Variants in ANO9 observed in about 807,000 individuals in gnomAD.
The protein encoded by ANO9 is anoctamin 9.
ANO9 carries 80 observed loss-of-function variants against 100.5 expected under a neutral mutation model. That is an observed-to-expected ratio of 0.80 (90% CI 0.66 to 0.96). The LOEUF is 0.96. ANO9 is among the 40% of genes least tolerant of loss of function. The pLI is 0.00. For synonymous variants in ANO9, 473 were observed against 435.6 expected, an observed-to-expected ratio of 1.09 and a Z score of -1.07; for missense variants, 1,064 against 1,072.7, an observed-to-expected ratio of 0.99 and a Z score of 0.11.
At chr11:423,745 G>T (rs1156580618) in intron 15 of ANO9, among the ~76,000 whole-genome samples, 8 of 151,962 alleles carry the variant, frequency 5.3e-5, no homozygotes, top group Non-Finnish European at 1.2e-4. Context: ...TGCCCAGGCT[G>T]GTCTTGAACT....
intron 1 of ANO9, 49 bp downstream of exon 1, chr11:441,872 C>T: frequency 2.5e-6 from 4 of 1,593,850 alleles, no homozygotes; most frequent in African/African-American, 1.3e-5. Flanking sequence ...CAGGTGTGGG[C>T]GTGGCTGGGG....
Position 422,987 on chromosome 11 carries a change from G to T in ANO9, c.1335-1789C>A, listed in dbSNP as rs7944205. Among the ~76,000 whole-genome samples the T allele has an allele frequency of 6.6e-6, 1 of 151,738 alleles. No individual in the cohort carries two copies. The highest frequency in any genetic ancestry group is 1.5e-5 in the Non-Finnish European group (1 of 67,946). On this transcript the variant is annotated intron_variant, in intron 15 of 22. Transcript: ENST00000332826. The surrounding 1 kb of genome is among the most constrained non-coding windows in gnomAD (Gnocchi z 4.3). ...TGGGATTACAGGTGCGCGCCACCAC[G>T]CCTGGCTAATTTTTGTATATTTAGT...
chr11:419,691 C>G lies in ANO9; in HGVS notation c.1825G>C (p.Ala609Pro), dbSNP rs1848057325. 6.2e-7 allele frequency: 1 copy of G among 1,613,430 alleles called. No individual in the cohort carries two copies. Among genetic ancestry groups the G allele is most frequent in the African/African-American group, 1.3e-5 (1 of 75,014 alleles). The part of the protein sequence containing the change: ...LQVLETIGVL[A>P]VIANGMVIAF... ...ATGACCATCCCATTGGCAATGACCGCCAGCACACCGATGGTCTCCAGCACC... is the reference window on the plus strand; with the variant it reads ...ATGACCATCCCATTGGCAATGACCGGCAGCACACCGATGGTCTCCAGCACC... The change falls in exon 20 of 23, where the codon GCG becomes CCG. Residue 609 changes from alanine (A) to proline (P), a missense_variant. Transcript: ENST00000332826.
chr11:420,525 A>C lies in ANO9; in HGVS notation c.1724T>G (p.Leu575Arg), dbSNP rs566257561. Reference protein sequence around the residue: ...ALFSNLVEIRLDAIKMVWLQR... With the variant: ...ALFSNLVEIRRDAIKMVWLQR... The stretch of plus-strand genomic sequence containing the variant: ...CAACCAGACCATCTTGATGGCGTCC[A>C]GGCGGATCTCCACGAGGTTGCTGAA... The change falls in exon 19 of 23, where the codon CTG (leucine) becomes CGG (arginine). Residue 575 changes from leucine (L) to arginine (R), a missense_variant. Leu to Arg is a moderately radical substitution (Grantham distance 102, BLOSUM62 -2). Coordinates refer to ENST00000332826, the MANE Select transcript of ANO9 (RefSeq NM_001012302.3). 1 of 1,606,090 alleles carries C rather than the reference A, an allele frequency of 6.2e-7. No homozygotes were observed. Among genetic ancestry groups the C allele is most frequent in the African/African-American group, 1.3e-5 (1 of 75,042 alleles).
rs999284254 is a variant in ANO9 at position 432,320 on chromosome 11, C to T, written c.351-266G>A. ...CTCCTTCTCCTCCCAGCCCGTCCCT[C>T]CCAGAAGCCCAGACCACAGCCCGCA... is the stretch of plus-strand genomic sequence containing the variant. On this transcript the variant is annotated intron_variant, in intron 4 of 22. Coordinates refer to ENST00000332826, the MANE Select transcript of ANO9 (RefSeq NM_001012302.3). This position sits in a 1 kb window ranked among gnomAD's most constrained non-coding sequence, Gnocchi z 4.8. The T allele has an allele frequency of 2.3e-5, 12 of 528,974 alleles. No homozygotes were observed. In the African/African-American group the frequency reaches 2.3e-4, roughly 10 times the overall value. The allele number at this position is 528,974 out of a possible 1,614,324, so 32.8% of individuals were successfully genotyped here.
rs1286350403 is a variant in ANO9, at chr11:419,700, C to T, written c.1816G>A (p.Gly606Ser). 5.0e-6 allele frequency: 8 copies of T among 1,605,660 alleles called. No individual in the cohort carries two copies. Among genetic ancestry groups the T allele is most frequent in the South Asian group, 3.3e-5 (3 of 91,062 alleles). The change falls in exon 20 of 23, where the codon GGT becomes AGT. Residue 606 changes from glycine to serine, a missense_variant. By Grantham distance (56) the Gly-to-Ser change is moderately conservative (BLOSUM62 0). Coordinates refer to ENST00000332826, the MANE Select transcript of ANO9 (RefSeq NM_001012302.3). ...GTWLQVLETI[G>S]VLAVIANGMV... ...CCATTGGCAATGACCGCCAGCACAC[C>T]GATGGTCTCCAGCACCTGCAGCCAG...
In ANO9 at chr11:418,414, G is replaced by A. The variant is rs367848202; in HGVS notation, c.2306C>T (p.Pro769Leu). The part of the protein sequence containing the change: ...AGSRPPMPAH[P>L]TPASIFSARS... ...GGCACTGAAGATGGATGCTGGGGTG[G>A]GATGGGCAGGCATTGGGGGCCGAGA... Residue 769 changes from proline to leucine, a missense_variant, in exon 23 of 23, where the codon CCC becomes CTC. Pro to Leu is a moderately conservative substitution (Grantham distance 98). Transcript: ENST00000332826. The A allele has an allele frequency of 6.2e-7, 1 of 1,612,306 alleles. No homozygotes were observed. The highest frequency in any genetic ancestry group is 1.3e-5 in the African/African-American group (1 of 74,888).
rs771140047 is a variant in ANO9, at chr11:432,008, A to G, written c.397T>C (p.Ser133Pro). ...CCACCCCTGCCCTTACCACCAGCCG[A>G]GGTCTTGTTGTTCATGACAACGAAG... The part of the protein sequence containing the change: ...VNFVVMNNKT[S>P]AGETFEDLMK... Residue 133 changes from serine to proline, a missense_variant, in exon 5 of 23, where the codon TCG becomes CCG. Ser to Pro is a moderately conservative substitution (Grantham distance 74, BLOSUM62 -1). Coordinates refer to ENST00000332826, the MANE Select transcript of ANO9 (RefSeq NM_001012302.3). The surrounding 1 kb of genome is among the most constrained non-coding windows in gnomAD (Gnocchi z 4.8). 2 of 1,613,024 alleles carry G rather than the reference A, an allele frequency of 1.2e-6. No homozygotes were observed. The highest frequency in any genetic ancestry group is 1.7e-6 in the Non-Finnish European group (2 of 1,179,758).
chr11:432,092 G>A lies in ANO9; in HGVS notation c.351-38C>T, dbSNP rs923833466. On this transcript the variant is annotated intron_variant, in intron 4 of 22. Coordinates refer to ENST00000332826, the MANE Select transcript of ANO9 (RefSeq NM_001012302.3). This position sits in a 1 kb window ranked among gnomAD's most constrained non-coding sequence, Gnocchi z 4.8. ...AGCAGGGTGGCCCCGTGTGACCACA[G>A]TGGACCCTGCCTCCAGGTCTCAACC... 8.1e-6 allele frequency: 13 copies of A among 1,609,958 alleles called. No individual in the cohort carries two copies. Among genetic ancestry groups the A allele is most frequent in the Non-Finnish European group, 1.1e-5 (13 of 1,178,316 alleles).
intron 1 of ANO9, among the ~76,000 whole-genome samples, chr11:437,326 C>T (rs753109077): frequency 6.6e-5 from 10 of 152,150 alleles, no homozygotes; most frequent in Non-Finnish European, 1.2e-4. Context: ...CTAAGGCATC[C>T]GACGCCCCGG....
In ANO9 at chr11:418,342, T is replaced by C; in HGVS notation, c.*29A>G. On this transcript the variant is annotated 3_prime_UTR_variant, in exon 23 of 23. Transcript: ENST00000332826. ...GTGCTGGTGGTGGCACTGTCTCAGC[T>C]CCTGGTGGCCTCTGGACGGGCTCTG... 1.3e-6 allele frequency: 2 copies of C among 1,547,260 alleles called. No homozygotes were observed. Among genetic ancestry groups the C allele is most frequent in the Non-Finnish European group, 1.7e-6 (2 of 1,146,894 alleles).
chr11:419,736 C>T lies in ANO9; in HGVS notation c.1787-7G>A. ...AGCACCTGCAGCCAGGTCCCTGCAC[C>T]AGAGCAGTGGGCAAGCGGTCTGACT... On this transcript the variant is annotated splice_region_variant and splice_polypyrimidine_tract_variant and intron_variant, in intron 19 of 22. Transcript: ENST00000332826. 6.2e-7 allele frequency: 1 copy of T among 1,612,470 alleles called. No homozygotes were observed. Among genetic ancestry groups the T allele is most frequent in the African/African-American group, 1.3e-5 (1 of 75,018 alleles).
rs771371436 is a variant in ANO9 at position 428,794 on chromosome 11, G to C, written c.948C>G (p.Pro316=). The C allele has an allele frequency of 1.2e-6, 2 of 1,613,286 alleles. No homozygotes were observed. Among genetic ancestry groups the C allele is most frequent in the Non-Finnish European group, 1.7e-6 (2 of 1,179,944 alleles). Residue 316 remains proline (P), a synonymous_variant, in exon 12 of 23, where the codon CCC becomes CCG. Transcript: ENST00000332826. ...GCTGGTATGGCCGGAGCTTGTAGTCGGGGCAGTTAATGAGCTGAAGTGCCA... is the reference window on the plus strand; with the variant it reads ...GCTGGTATGGCCGGAGCTTGTAGTCCGGGCAGTTAATGAGCTGAAGTGCCA... The part of the protein sequence containing the change: ...EEMALQLINC[P]DYKLRPYQHS...
At position 418,293 on chromosome 11, in the gene ANO9, C is replaced by G; in HGVS notation, c.*78G>C. ...AGCCTTCTCACAGCACCCCTCAACA[C>G]GCACAGCGGTGGGCTTGTGGGAGGT... On this transcript the variant is annotated 3_prime_UTR_variant, in exon 23 of 23. Coordinates refer to ENST00000332826, the MANE Select transcript of ANO9 (RefSeq NM_001012302.3). 3 of 1,382,262 alleles carry G rather than the reference C, an allele frequency of 2.2e-6. No homozygotes were observed. The highest frequency in any genetic ancestry group is 1.5e-5 in the South Asian group (1 of 68,962). 85.6% of individuals were successfully genotyped at this position (1,382,262 alleles called of 1,614,324 possible).
intron 10 of ANO9, 24 bp from the exon 11 acceptor site, chr11:429,676 A>G: frequency 6.2e-7 from 1 of 1,612,602 alleles, no homozygotes; most frequent in African/African-American, 1.3e-5. Context: ...AAGGAGGGGC[A>G]TCACTGCACT....
chr11:428,731 G>T lies in ANO9; in HGVS notation c.1011C>A (p.Thr337=). Residue 337 remains threonine (T), a synonymous_variant, in exon 12 of 23, where the codon ACC becomes ACA. Transcript: ENST00000332826. ...YLRSTVILVL[T]LLMICLMIGM... is the part of the protein sequence containing the mutation. Reference sequence around the variant, plus strand: ...GGTGTCCCCTGCGTACCATGAGCAGGGTCAGGACGAGGATGACGGTGCTGC... The same window carrying T: ...GGTGTCCCCTGCGTACCATGAGCAGTGTCAGGACGAGGATGACGGTGCTGC... The T allele has an allele frequency of 6.2e-7, 1 of 1,613,282 alleles. No individual in the cohort carries two copies. Among genetic ancestry groups the T allele is most frequent in the Non-Finnish European group, 8.5e-7 (1 of 1,179,948 alleles).
chr11:434,801 G>T (rs1334405027), intron 1 of ANO9, among the ~76,000 whole-genome samples: 1 of 152,192 alleles, frequency 6.6e-6, no homozygotes, highest in Non-Finnish European at 1.5e-5. Flanking sequence ...AGAGTCTGGG[G>T]CCAGAACCTT....
Position 418,810 on chromosome 11 carries a change from G to A in ANO9, c.2040C>T (p.Tyr680=), listed in dbSNP as rs758517780. ...AATCGGGGGGATTGCGGTAGTCCCT[G>A]TATCTGGGGTAAGGAAGTACCTGAG... The part of the protein sequence containing the change: ...EGSENVTLCR[Y]RDYRNPPDYN... Residue 680 remains tyrosine, a synonymous_variant, in exon 22 of 23, where the codon TAC becomes TAT. Coordinates refer to ENST00000332826, the MANE Select transcript of ANO9 (RefSeq NM_001012302.3). 19 of 1,613,292 alleles carry A rather than the reference G, an allele frequency of 1.2e-5. No individual in the cohort carries two copies. Among genetic ancestry groups the A allele is most frequent in the Non-Finnish European group, 1.6e-5 (19 of 1,180,006 alleles).
chr11:431,276 T>A (rs1261864422), intron 7 of ANO9, among the ~76,000 whole-genome samples: 1 of 14,000 alleles, frequency 7.1e-5, no homozygotes, highest in Admixed American at 8.3e-4. Flanking sequence ...ATCTGGGGGC[T>A]TCCGCGGGGG....
Sources: gnomAD v4.1 joint callset for allele counts (sites outside exome capture counted in the v4.1 genomes callset) on GRCh38, gnomAD v4.1.1 for gene constraint, Gnocchi (gnomAD v3.1) non-coding constraint, MANE v1.5 for transcripts, NCBI Gene and HGNC (gene_info 2026-07-23, HGNC 2026-07-21) for gene names.